Variants in RARS1 observed in about 807,000 individuals in gnomAD.
RARS1 encodes arginyl-tRNA synthetase 1, also known as arginine--tRNA ligase, cytoplasmic.
In RARS1, 75 loss-of-function variants were observed where a neutral mutation model predicts 78.7. That is an observed-to-expected ratio of 0.95 (90% CI 0.79 to 1.15). RARS1 has a LOEUF of 1.15. Ranked by LOEUF, RARS1 falls within the 50% of genes most tolerant of loss-of-function variation. The probability of loss-of-function intolerance (pLI) is 0.00; values close to 1 mark genes in which losing one functional copy is unlikely to be tolerated. For missense variants in RARS1, 787 were observed against 787.5 expected (o/e 1.00, Z 0.01); for synonymous variants, 273 against 268.2 (o/e 1.02, Z -0.18).
intron 12 of RARS1, among the ~76,000 whole-genome samples, chr5:168,513,784 C>T (rs1328046027): frequency 6.6e-6 from 1 of 152,084 alleles, no homozygotes; most frequent in African/African-American, 2.4e-5. Context: ...TTTTTTGATT[C>T]CACCTGGGAT....
In RARS1 at chr5:168,510,602, G is replaced by C. The variant is rs2290629; in HGVS notation, c.1368G>C (p.Ser456=). ...GEDKKKFKTR[S]GETVRLMDLL... ...TTAGGAAAAAGTTTAAAACACGTTCGGGTGAAACAGTGCGCCTCATGGATC... is the reference window on the plus strand; with the variant it reads ...TTAGGAAAAAGTTTAAAACACGTTCCGGTGAAACAGTGCGCCTCATGGATC... The change falls in exon 12 of 15, where the codon TCG becomes TCC. Residue 456 remains serine (S), a synonymous_variant. Transcript: ENST00000231572. The C allele has an allele frequency of 1.2e-6, 2 of 1,608,584 alleles. No homozygotes were observed. The highest frequency in any genetic ancestry group is 2.7e-5 in the African/African-American group (2 of 74,588).
rs1330754764 is a variant in RARS1, at chr5:168,519,212, G to A, written c.*22G>A. 6.3e-7 allele frequency: 1 copy of A among 1,575,276 alleles called. No individual in the cohort carries two copies. The highest frequency in any genetic ancestry group is 8.7e-7 in the Non-Finnish European group (1 of 1,149,294). On this transcript the variant is annotated 3_prime_UTR_variant, in exon 15 of 15. Transcript: ENST00000231572. ...GTAATCCTTCATAGGTTTGAACACT[G>A]TGTGTTTTTACCAAAGTGGCCATTG...
rs371206856 is a variant in RARS1, at chr5:168,494,716, A to G, written c.579+66A>G. 3.8e-5 allele frequency: 43 copies of G among 1,138,798 alleles called. No individual in the cohort carries two copies. The East Asian group carries it at 8.8e-4, about 23-fold the overall frequency. The allele number at this position is 1,138,798 out of a possible 1,614,324, so 70.5% of individuals were successfully genotyped here. A position where few individuals can be genotyped will look rare whatever the true frequency, so the allele number is the denominator to read the frequency against. ...ACTGCGTGGAACCAAGCATGGTGGTATGTGCCTATAGTCTCAGCTACTTGG... is the reference window on the plus strand; with the variant it reads ...ACTGCGTGGAACCAAGCATGGTGGTGTGTGCCTATAGTCTCAGCTACTTGG... On this transcript the variant is annotated intron_variant, in intron 5 of 14. Transcript: ENST00000231572.
At chr5:168,509,169 T>A (rs1288609732) in intron 11 of RARS1, among the ~76,000 whole-genome samples, 1 of 152,206 alleles carries the variant, frequency 6.6e-6, no homozygotes, top group East Asian at 1.9e-4. Context: ...TTGACTGGTC[T>A]TCATGATGAG....
At chr5:168,516,324 G>A (rs1295511383) in intron 12 of RARS1, among the ~76,000 whole-genome samples, 1 of 152,120 alleles carries the variant, frequency 6.6e-6, no homozygotes, top group Non-Finnish European at 1.5e-5. Flanking sequence ...GCAAATATTA[G>A]CAAAACAGTG....
intron 11 of RARS1, among the ~76,000 whole-genome samples, chr5:168,509,449 C>CCA (rs1554122824): frequency 6.9e-6 from 1 of 145,700 alleles, no homozygotes; most frequent in Non-Finnish European, 1.5e-5. Flanking sequence ...CCCCCCCCCC[C>CCA]CCACCAAAAA....
rs1337532715 is a variant in RARS1 at position 168,492,864 on chromosome 5, ACT to A, written c.369+20_369+21del. 1.3e-6 allele frequency: 2 copies of A among 1,548,550 alleles called. No homozygotes were observed. Among genetic ancestry groups the A allele is most frequent in the Non-Finnish European group, 1.8e-6 (2 of 1,131,270 alleles). On this transcript the variant is annotated intron_variant, in intron 3 of 14. Coordinates refer to ENST00000231572, the MANE Select transcript of RARS1 (RefSeq NM_002887.4). ...ATTTCTCAGGTGATGTATTGTCATG[ACT>A]CTTGGCTGTTTGATTTTTTTAAGTA...
At chr5:168,506,671 T>C (rs769931946) in intron 10 of RARS1, 51 bp from the exon 11 acceptor site, 3 of 1,398,038 alleles carry the variant, frequency 2.1e-6, no homozygotes, top group East Asian at 2.3e-5. Context: ...CTTAAGTCTT[T>C]TTTTTTTTCT....
chr5:168,518,107 C>T (rs777735382), intron 14 of RARS1, 45 bp downstream of exon 14: 22 of 1,232,358 alleles, frequency 1.8e-5, no homozygotes, highest in Non-Finnish European at 2.0e-5. Flanking sequence ...GTGAGAGACA[C>T]GGATCTTGCT....
rs778183684 is a variant in RARS1 at position 168,516,915 on chromosome 5, A to T, written c.1590A>T (p.Thr530=). Residue 530 remains threonine, a synonymous_variant, in exon 13 of 15, where the codon ACA becomes ACT. Transcript: ENST00000231572. ...FDKMLDDRGN[T]AAYLLYAFTR... is the part of the protein sequence containing the mutation. ...AAATGCTAGATGACAGAGGAAATAC[A>T]GCTGCTTACTTGTTGTATGCCTTCA... The T allele has an allele frequency of 6.2e-7, 1 of 1,614,172 alleles. No homozygotes were observed. The highest frequency in any genetic ancestry group is 1.3e-5 in the African/African-American group (1 of 75,062).
intron 11 of RARS1, among the ~76,000 whole-genome samples, chr5:168,509,549 AC>A (rs1758524792): frequency 6.6e-6 from 1 of 151,584 alleles, no homozygotes; most frequent in South Asian, 2.1e-4. Flanking sequence ...TTTAACAGCG[AC>A]TGCCCAGGGC....
intron 9 of RARS1, among the ~76,000 whole-genome samples, chr5:168,503,608 C>T (rs1178813203): frequency 9.3e-6 from 1 of 107,382 alleles, no homozygotes; most frequent in East Asian, 4.2e-4. Flanking sequence ...TTTTTTTCAA[C>T]CCCTTTGGTA....
In RARS1 at chr5:168,504,521, C is replaced by CA. The variant is rs60401511; in HGVS notation, c.1058-1487dup. Among the ~76,000 whole-genome samples, 955 of 101,106 alleles carry CA rather than the reference C, an allele frequency of 9.4e-3. 5 individuals carry two copies. The highest frequency in any genetic ancestry group is 0.023 in the Middle Eastern group (3 of 128). 66.3% of individuals were successfully genotyped at this position (101,106 alleles called of 152,430 possible). A position where few individuals can be genotyped will look rare whatever the true frequency, so the allele number is the denominator to read the frequency against. The stretch of plus-strand genomic sequence containing the variant: ...CTGGCGACAAAGCAAGATTCTGTCT[C>CA]AAAAAAAAAAAAAGAAAAAAAAATG... On this transcript the variant is annotated intron_variant, in intron 9 of 14. Coordinates refer to ENST00000231572, the MANE Select transcript of RARS1 (RefSeq NM_002887.4).
chr5:168,516,800 A>G lies in RARS1; in HGVS notation c.1475A>G (p.Asn492Ser). ...AAGGTCTTAACTGCAGAGGAATTGA[A>G]TGCTGCTCAGACATCCGTTGCGTAT... is the stretch of plus-strand genomic sequence containing the variant. ...RDKVLTAEELNAAQTSVAYGC... is the reference protein window; with the variant it reads ...RDKVLTAEELSAAQTSVAYGC... Residue 492 changes from asparagine (N) to serine (S), a missense_variant, in exon 13 of 15, where the codon AAT becomes AGT. Transcript: ENST00000231572. The G allele has an allele frequency of 6.2e-7, 1 of 1,614,180 alleles. No individual in the cohort carries two copies. Among genetic ancestry groups the G allele is most frequent in the Non-Finnish European group, 8.5e-7 (1 of 1,180,026 alleles).
At chr5:168,499,500 C>T (rs1168511822) in intron 7 of RARS1, among the ~76,000 whole-genome samples, 1 of 151,968 alleles carries the variant, frequency 6.6e-6, no homozygotes, top group African/African-American at 2.4e-5. Flanking sequence ...AAAAAGTAAA[C>T]ATTTGTGGGG....
chr5:168,516,707 T>TA, intron 12 of RARS1, 71 bp from the exon 13 acceptor site: 3 of 1,477,492 alleles, frequency 2.0e-6, no homozygotes, highest in Non-Finnish European at 1.9e-6. Flanking sequence ...ACCCCAGTCT[T>TA]ATGCCTATGA....
chr5:168,492,051 C>T (rs1031530933), intron 2 of RARS1, among the ~76,000 whole-genome samples: 2 of 150,536 alleles, frequency 1.3e-5, no homozygotes, highest in African/African-American at 4.9e-5. Context: ...TGTGTGCATC[C>T]AGCAGTCTAG....
chr5:168,498,973 C>CA (rs35319547), intron 7 of RARS1, among the ~76,000 whole-genome samples: 2,552 of 147,744 alleles, frequency 0.017, 78 homozygotes, highest in African/African-American at 0.059. Context: ...GACCCTATCT[C>CA]AAAAAAAAAA....
chr5:168,508,593 G>A lies in RARS1; in HGVS notation c.1346+1762G>A, dbSNP rs565304231. On this transcript the variant is annotated intron_variant, in intron 11 of 14. Coordinates refer to ENST00000231572, the MANE Select transcript of RARS1 (RefSeq NM_002887.4). ...TGAGATTGTGCTACTGCACTCCAGC[G>A]TGGGCGACAGAGCAAGACTCTGTCT... is the stretch of plus-strand genomic sequence containing the variant. 4.8e-4 allele frequency among the ~76,000 whole-genome samples: 67 copies of A among 139,696 alleles called. No individual in the cohort carries two copies. The South Asian group carries it at 0.015, about 31-fold the overall frequency. 91.6% of individuals were successfully genotyped at this position (139,696 alleles called of 152,430 possible).
Sources: allele counts gnomAD v4.1 joint callset (sites outside exome capture counted in the v4.1 genomes callset), GRCh38; gene constraint gnomAD v4.1.1; transcripts MANE v1.5; gene names NCBI Gene and HGNC (gene_info 2026-07-23, HGNC 2026-07-21).